The following CARMIL1 variants were observed in gnomAD, a reference collection of about 807,000 sequenced individuals.
CARMIL1 encodes capping protein regulator and myosin 1 linker 1, also known as F-actin-uncapping protein LRRC16A.
CARMIL1 carries 90 observed loss-of-function variants against 177.1 expected under a neutral mutation model. The ratio of observed to expected loss-of-function variants is 0.51; its 90% CI spans 0.43 to 0.61. The LOEUF is 0.61. CARMIL1 is among the 20% of genes least tolerant of loss of function. The pLI is 0.00. For synonymous variants in CARMIL1, 577 were observed against 606.2 expected (o/e 0.95, Z 0.71); for missense variants, 1,380 against 1,667.0 (o/e 0.83, Z 3.00).
At chr6:25,539,596 G>T (rs1808688107) in intron 25 of CARMIL1, among the ~76,000 whole-genome samples, 1 of 119,358 alleles carries the variant, frequency 8.4e-6, no homozygotes, top group Admixed American at 1.2e-4. Flanking sequence ...TTGCACTCCA[G>T]CCTGGGCAAC....
At chr6:25,576,541 T>C (rs1812603152) in intron 29 of CARMIL1, among the ~76,000 whole-genome samples, 1 of 152,156 alleles carries the variant, frequency 6.6e-6, no homozygotes, top group Non-Finnish European at 1.5e-5. Context: ...CACTTAGTTG[T>C]TGAGACTGGT....
intron 8 of CARMIL1, among the ~76,000 whole-genome samples, chr6:25,451,362 A>G (rs1019943282): frequency 2.0e-5 from 3 of 152,186 alleles, no homozygotes; most frequent in Non-Finnish European, 4.4e-5. Context: ...TTTTTCAAGG[A>G]TGAACTTTAA....
chr6:25,540,818 T>C (rs1486507762), intron 26 of CARMIL1, among the ~76,000 whole-genome samples: 1 of 152,204 alleles, frequency 6.6e-6, no homozygotes, highest in Non-Finnish European at 1.5e-5. Flanking sequence ...ATGTAGGGAT[T>C]TGAAATGCAA....
intron 26 of CARMIL1, 71 bp downstream of exon 26, chr6:25,540,149 T>A: frequency 7.3e-7 from 1 of 1,374,142 alleles, no homozygotes; most frequent in Non-Finnish European, 9.8e-7. Context: ...TTTCATTCCA[T>A]AGCTATCTAT....
intron 8 of CARMIL1, among the ~76,000 whole-genome samples, chr6:25,459,270 T>TTTCTTTC (rs1799896544): frequency 4.2e-4 from 9 of 21,192 alleles, no homozygotes; most frequent in Admixed American, 5.8e-4. Flanking sequence ...TTCTTTCTTT[T>TTTCTTTC]TTTTTTTTTT....
intron 12 of CARMIL1, among the ~76,000 whole-genome samples, chr6:25,484,142 G>T (rs955718959): frequency 7.9e-5 from 12 of 152,140 alleles, no homozygotes; most frequent in African/African-American, 2.4e-4. Flanking sequence ...CTTTCTCTGT[G>T]TTCCTTAGCC....
At chr6:25,542,783 C>A (rs1437631276) in intron 26 of CARMIL1, among the ~76,000 whole-genome samples, 1 of 151,986 alleles carries the variant, frequency 6.6e-6, no homozygotes, top group African/African-American at 2.4e-5. Context: ...AGTGGACAAC[C>A]TTTTACTATT....
chr6:25,520,125 G>A (rs980483230), intron 22 of CARMIL1, 119 bp from the exon 23 acceptor site: 13 of 556,810 alleles, frequency 2.3e-5, no homozygotes, highest in Non-Finnish European at 3.5e-5. Context: ...TGGTCTGGTG[G>A]TTTGGAATTT....
At chr6:25,298,062 T>C (rs1223373569) in intron 2 of CARMIL1, among the ~76,000 whole-genome samples, 1 of 152,220 alleles carries the variant, frequency 6.6e-6, no homozygotes, top group African/African-American at 2.4e-5. Context: ...TCTTCATCTG[T>C]AAAATGGGTG....
chr6:25,377,450 A>G (rs771203055), intron 2 of CARMIL1, among the ~76,000 whole-genome samples: 9 of 152,118 alleles, frequency 5.9e-5, no homozygotes, highest in Non-Finnish European at 1.0e-4. Context: ...AGTCCAGACT[A>G]CTGTGAATGC....
chr6:25,453,719 A>G (rs1799220237), intron 8 of CARMIL1, among the ~76,000 whole-genome samples: 1 of 152,198 alleles, frequency 6.6e-6, no homozygotes, highest in Non-Finnish European at 1.5e-5. Context: ...AAAGGGCAAC[A>G]CAGTGAAAGG....
intron 11 of CARMIL1, among the ~76,000 whole-genome samples, chr6:25,477,480 C>T (rs1801683081): frequency 6.6e-6 from 1 of 152,202 alleles, no homozygotes; most frequent in Admixed American, 6.5e-5. Context: ...CACACACATA[C>T]ACAAGCTATT....
chr6:25,495,311 C>A, intron 16 of CARMIL1, 96 bp downstream of exon 16: 2 of 764,392 alleles, frequency 2.6e-6, no homozygotes, highest in Admixed American at 3.3e-5. Flanking sequence ...AATCCAAAGA[C>A]AAAAACCACA....
chr6:25,585,592 G>T lies in CARMIL1; in HGVS notation c.3006+4153G>T, dbSNP rs1426004725. Among the ~76,000 whole-genome samples the T allele has an allele frequency of 3.3e-5, 5 of 152,086 alleles. No homozygotes were observed. The East Asian group carries it at 5.8e-4, about 18-fold the overall frequency. ...TATTGATCATTCTTAGGTGTTTCTC[G>T]TAGAGGGGGATTTGGCAGGGTCATA... On this transcript the variant is annotated intron_variant, in intron 31 of 36. Transcript: ENST00000329474.
intron 8 of CARMIL1, chr6:25,465,589 G>T (rs1333479147): frequency 2.7e-6 from 1 of 375,230 alleles, no homozygotes; most frequent in Non-Finnish European, 4.8e-6. Context: ...TGGACTTAGA[G>T]GTAGGATTTC....
intron 31 of CARMIL1, among the ~76,000 whole-genome samples, chr6:25,588,823 C>T (rs530379488): frequency 7.9e-5 from 12 of 152,280 alleles, no homozygotes; most frequent in African/African-American, 2.9e-4. Context: ...ACTCAATATT[C>T]AAGGGAATAT....
chr6:25,566,055 C>T (rs755682855), intron 29 of CARMIL1, among the ~76,000 whole-genome samples: 9 of 152,152 alleles, frequency 5.9e-5, no homozygotes, highest in Non-Finnish European at 1.2e-4. Flanking sequence ...CAGCCTCAAT[C>T]TCTCTTGTTC....
At chr6:25,447,559 C>T (rs1057215755) in intron 5 of CARMIL1, among the ~76,000 whole-genome samples, 4 of 152,062 alleles carry the variant, frequency 2.6e-5, no homozygotes, top group Non-Finnish European at 4.4e-5. Context: ...ATTTATTTCA[C>T]CACCTCTCAC....
In CARMIL1 at chr6:25,515,709, T is replaced by C. The variant is rs759213786; in HGVS notation, c.1667T>C (p.Leu556Pro). 1 of 1,608,638 alleles carries C rather than the reference T, an allele frequency of 6.2e-7. No individual in the cohort carries two copies. The highest frequency in any genetic ancestry group is 8.5e-7 in the Non-Finnish European group (1 of 1,177,810). The part of the protein sequence containing the change: ...LQSLSLADSK[L>P]KTEVTIIINA... ...TCCTTGTCCCTGGCTGACTCGAAAC[T>C]CAAGACTGAGGTCACCATCATCATC... is the stretch of plus-strand genomic sequence containing the variant. Residue 556 changes from leucine (L) to proline (P), a missense_variant, in exon 21 of 37, where the codon CTC (leucine) becomes CCC (proline). Leu to Pro is a moderately conservative substitution (Grantham distance 98, BLOSUM62 -3). Transcript: ENST00000329474. The surrounding 1 kb of genome is among the most constrained non-coding windows in gnomAD (Gnocchi z 5.0).
Sources: allele counts gnomAD v4.1 joint callset (sites outside exome capture counted in the v4.1 genomes callset), GRCh38; gene constraint gnomAD v4.1.1; non-coding constraint Gnocchi (gnomAD v3.1); transcripts MANE v1.5; gene names NCBI Gene and HGNC (gene_info 2026-07-23, HGNC 2026-07-21).